The following TBC1D5 variants were observed in gnomAD, a reference collection of about 807,000 sequenced individuals.
The protein encoded by TBC1D5 is TBC1 domain family, member 5.
In TBC1D5, 75 loss-of-function variants were observed where a neutral mutation model predicts 100.3. The ratio of observed to expected loss-of-function variants is 0.75; its 90% CI spans 0.62 to 0.91. The LOEUF (loss-of-function observed/expected upper bound fraction) is 0.91, where lower values mean the gene tolerates loss of function less well. Ranked by LOEUF, TBC1D5 falls within the 40% of genes least tolerant of loss-of-function variation. The pLI is 0.00. For missense variants in TBC1D5, 910 were observed against 942.4 expected (o/e 0.97, Z 0.45); for synonymous variants, 323 against 325.6 (o/e 0.99, Z 0.09).
intron 3 of TBC1D5, among the ~76,000 whole-genome samples, chr3:17,446,932 C>T (rs2094811916): frequency 6.6e-6 from 1 of 151,528 alleles, no homozygotes; most frequent in South Asian, 2.1e-4. Flanking sequence ...GATCACACCA[C>T]TGCACTCCAG....
intron 2 of TBC1D5, among the ~76,000 whole-genome samples, chr3:17,545,630 A>G (rs1418681202): frequency 6.6e-6 from 1 of 152,234 alleles, no homozygotes; most frequent in Admixed American, 6.5e-5. Flanking sequence ...ATAAGAAAAC[A>G]TGAATATTCA....
intron 1 of TBC1D5, chr3:17,665,011 T>TAAAA (rs2067081303): frequency 7.4e-6 from 1 of 134,788 alleles, no homozygotes; most frequent in Non-Finnish European, 1.5e-5. Context: ...TTCTGGTTTT[T>TAAAA]ACCGGAAAGC....
At chr3:17,482,795 T>C (rs1034352184) in intron 3 of TBC1D5, among the ~76,000 whole-genome samples, 1 of 152,164 alleles carries the variant, frequency 6.6e-6, no homozygotes, top group African/African-American at 2.4e-5. Flanking sequence ...ATACAAATGA[T>C]CTCCTTCTGT....
chr3:17,394,665 CTT>C (rs1270908863), intron 8 of TBC1D5, among the ~76,000 whole-genome samples: 1 of 152,096 alleles, frequency 6.6e-6, no homozygotes, highest in Non-Finnish European at 1.5e-5. Context: ...AAGAGGCAGT[CTT>C]TTCTTTATTT....
chr3:17,639,971 G>A (rs1248897102), intron 1 of TBC1D5, among the ~76,000 whole-genome samples: 1 of 152,152 alleles, frequency 6.6e-6, no homozygotes, highest in Non-Finnish European at 1.5e-5. Flanking sequence ...ATGCACATGA[G>A]ATCATGTATT....
chr3:17,554,351 C>G (rs1207542223), intron 2 of TBC1D5, among the ~76,000 whole-genome samples: 2 of 152,114 alleles, frequency 1.3e-5, no homozygotes, highest in African/African-American at 4.8e-5. Flanking sequence ...ATGTGGGAGA[C>G]CAGTCAGAGT....
intron 2 of TBC1D5, among the ~76,000 whole-genome samples, chr3:17,620,789 T>C (rs375507278): frequency 1.3e-5 from 2 of 152,072 alleles, no homozygotes; most frequent in African/African-American, 4.8e-5. Context: ...TCAATAAGGA[T>C]GTAAAGAAAG....
At chr3:17,506,919 G>C (rs932516624) in intron 3 of TBC1D5, among the ~76,000 whole-genome samples, 3 of 152,240 alleles carry the variant, frequency 2.0e-5, no homozygotes, top group African/African-American at 4.8e-5. Flanking sequence ...GGGAGGCTGA[G>C]GCAGGAGAAT....
At chr3:17,575,553 C>G (rs2096652381) in intron 2 of TBC1D5, among the ~76,000 whole-genome samples, 1 of 152,024 alleles carries the variant, frequency 6.6e-6, no homozygotes, top group African/African-American at 2.4e-5. Flanking sequence ...CCAAAAGCCA[C>G]TTCCAGATAA....
rs35631452 is a variant in TBC1D5 at position 17,225,439 on chromosome 3, CA to C, written c.1589-11070del. On this transcript the variant is annotated intron_variant, in intron 17 of 21. Coordinates refer to ENST00000253692, the Ensembl canonical transcript of TBC1D5. ...GGGCGATAAGAGTGAGACTCGGTCT[CA>C]AAAAAAAAAAAAAAAACAAAAAACA... Among the ~76,000 whole-genome samples the C allele has an allele frequency of 5.3e-4, 47 of 88,332 alleles. No individual in the cohort carries two copies. In the East Asian group the frequency reaches 7.2e-3, roughly 14 times the overall value. 57.9% of individuals were successfully genotyped at this position (88,332 alleles called of 152,430 possible).
chr3:17,427,459 A>T (rs2094359162), intron 4 of TBC1D5, among the ~76,000 whole-genome samples: 2 of 151,964 alleles, frequency 1.3e-5, no homozygotes, highest in South Asian at 4.1e-4. Flanking sequence ...GAAATAAATG[A>T]CACAGTTCCA....
At chr3:17,395,922 G>T (rs914996560) in intron 8 of TBC1D5, among the ~76,000 whole-genome samples, 1 of 152,100 alleles carries the variant, frequency 6.6e-6, no homozygotes, top group Non-Finnish European at 1.5e-5. Flanking sequence ...GTACAGGAAA[G>T]ATACTAAATA....
In TBC1D5 at chr3:17,286,058, T is replaced by C. The variant is rs575849104; in HGVS notation, c.1245+5837A>G. ...ATATTCTAGTCTTCAAAACAAATGG[T>C]AGCCGTCAAATTCTTACTGCATAAT... On this transcript the variant is annotated intron_variant, in intron 15 of 21. Coordinates refer to ENST00000253692, the Ensembl canonical transcript of TBC1D5. 1.0e-3 allele frequency among the ~76,000 whole-genome samples: 159 copies of C among 152,318 alleles called. 1 individual carries two copies. Among genetic ancestry groups the C allele is most frequent in the African/African-American group, 3.7e-3 (154 of 41,572 alleles).
At chr3:17,279,850 G>T (rs928946322) in intron 15 of TBC1D5, among the ~76,000 whole-genome samples, 1 of 152,120 alleles carries the variant, frequency 6.6e-6, no homozygotes, top group Non-Finnish European at 1.5e-5. Flanking sequence ...TGCACACCAC[G>T]GTTTAAGATC....
At chr3:17,233,564 G>T in intron 17 of TBC1D5, 121 bp downstream of exon 18, 1 of 586,272 alleles carries the variant, frequency 1.7e-6, no homozygotes. Context: ...CTGAACAATG[G>T]TAGTGAATTG....
chr3:17,408,933 C>A (rs184084373), intron 4 of TBC1D5, among the ~76,000 whole-genome samples: 207 of 152,160 alleles, frequency 1.4e-3, no homozygotes, highest in African/African-American at 4.6e-3. Flanking sequence ...ATTTTTATTA[C>A]CTAAAATATT....
At chr3:17,638,266 T>C (rs929761904) in intron 1 of TBC1D5, among the ~76,000 whole-genome samples, 4 of 152,132 alleles carry the variant, frequency 2.6e-5, no homozygotes, top group East Asian at 1.9e-4. Flanking sequence ...TTTTAGAACA[T>C]TTTTATTACT....
intron 3 of TBC1D5, among the ~76,000 whole-genome samples, chr3:17,464,686 T>C (rs1399326499): frequency 6.6e-6 from 1 of 152,194 alleles, no homozygotes; most frequent in Non-Finnish European, 1.5e-5. Context: ...TTTTCACCCC[T>C]ACCATGTGAT....
chr3:17,382,730 T>C (rs1410543668), intron 9 of TBC1D5, among the ~76,000 whole-genome samples: 2 of 151,954 alleles, frequency 1.3e-5, no homozygotes, highest in African/African-American at 4.8e-5. Flanking sequence ...CCAGCTAATT[T>C]TGTGGTACTT....
Sources: allele counts gnomAD v4.1 joint callset (sites outside exome capture counted in the v4.1 genomes callset), GRCh38; gene constraint gnomAD v4.1.1; transcripts MANE v1.5; gene names NCBI Gene and HGNC (gene_info 2026-07-23, HGNC 2026-07-21).